Variants in MACO1 observed in about 807,000 individuals in gnomAD.
MACO1 encodes the protein macoilin.
Under a neutral mutation model 78.7 loss-of-function variants are expected in MACO1, and 14 were observed. The ratio of observed to expected loss-of-function variants is 0.18; its 90% CI spans 0.12 to 0.28. The LOEUF (loss-of-function observed/expected upper bound fraction) is 0.28. Ranked by LOEUF, MACO1 falls within the 10% of genes least tolerant of loss-of-function variation. The probability of loss-of-function intolerance (pLI) is 1.00; values close to 1 mark genes in which losing one functional copy is unlikely to be tolerated. For synonymous variants in MACO1, 288 were observed against 291.6 expected (o/e 0.99, Z 0.12); for missense variants, 501 against 799.0 (o/e 0.63, Z 4.50).
At chr1:25,467,433 A>G (rs2124594323) in intron 6 of MACO1, among the ~76,000 whole-genome samples, 1 of 152,262 alleles carries the variant, frequency 6.6e-6, no homozygotes, top group South Asian at 2.1e-4. Context: ...GGCAATTGTT[A>G]CTTCTTTCAG....
At chr1:25,478,411 C>T (rs2043341696) in intron 6 of MACO1, among the ~76,000 whole-genome samples, 2 of 152,114 alleles carry the variant, frequency 1.3e-5, no homozygotes, top group African/African-American at 2.4e-5. Context: ...AAATCTCTTC[C>T]TCTTAAAATT....
At chr1:25,470,460 A>G (rs933804898) in intron 6 of MACO1, among the ~76,000 whole-genome samples, 2 of 152,216 alleles carry the variant, frequency 1.3e-5, no homozygotes, top group African/African-American at 2.4e-5. Context: ...GAAGCAAGAC[A>G]GAGCGGTCAG....
rs142743573 is a variant in MACO1 at position 25,448,773 on chromosome 1, A to T, written c.223-35A>T. 2.7e-6 allele frequency: 4 copies of T among 1,481,606 alleles called. No individual in the cohort carries two copies. In the East Asian group the frequency reaches 7.0e-5, roughly 26 times the overall value. The allele number at this position is 1,481,606 out of a possible 1,614,324, so 91.8% of individuals were successfully genotyped here. A position where few individuals can be genotyped will look rare whatever the true frequency, so the allele number is the denominator to read the frequency against. ...GTGGTTGAAAATAACAGGTTCTAAG[A>T]TGTATCTTTTATTTTGTTTTATTTT... On this transcript the variant is annotated intron_variant, in intron 2 of 10. Coordinates refer to ENST00000374343, the MANE Select transcript of MACO1 (RefSeq NM_018202.6).
At chr1:25,471,119 A>C (rs543054558) in intron 6 of MACO1, among the ~76,000 whole-genome samples, 1 of 152,306 alleles carries the variant, frequency 6.6e-6, no homozygotes, top group South Asian at 2.1e-4. Context: ...CAGGTGGATC[A>C]CATAAGGCCA....
chr1:25,467,127 G>A (rs2043226325), intron 6 of MACO1, among the ~76,000 whole-genome samples: 2 of 152,032 alleles, frequency 1.3e-5, no homozygotes, highest in South Asian at 2.1e-4. Context: ...GCATGGTGGC[G>A]CACACCTTTA....
At chr1:25,437,376 T>G (rs1036984162) in intron 1 of MACO1, among the ~76,000 whole-genome samples, 9 of 150,992 alleles carry the variant, frequency 6.0e-5, no homozygotes, top group African/African-American at 2.2e-4. Context: ...AGGCTGGTCT[T>G]GAACTCCTGG....
intron 6 of MACO1, among the ~76,000 whole-genome samples, chr1:25,476,531 G>A (rs1202976959): frequency 6.6e-6 from 1 of 152,166 alleles, no homozygotes; most frequent in Non-Finnish European, 1.5e-5. Context: ...ACATTTTTCT[G>A]TGAATGACCC....
At chr1:25,486,731 G>A (rs1269630109) in intron 8 of MACO1, among the ~76,000 whole-genome samples, 1 of 152,140 alleles carries the variant, frequency 6.6e-6, no homozygotes, top group Non-Finnish European at 1.5e-5. Flanking sequence ...CACCTTTTAG[G>A]AAATAACAGC....
chr1:25,458,525 G>T lies in MACO1; in HGVS notation c.787G>T (p.Ala263Ser). 6.2e-7 allele frequency: 1 copy of T among 1,613,854 alleles called. No homozygotes were observed. Among genetic ancestry groups the T allele is most frequent in the South Asian group, 1.1e-5 (1 of 91,036 alleles). ...AAAAGGGAAAGAAAAGGACAAGGAT[G>T]CCAAAAAACACAACCTTGGAATAAA... ...REKGKEKDKD[A>S]KKHNLGINNN... Residue 263 changes from alanine to serine, a missense_variant, in exon 6 of 11, where the codon GCC becomes TCC. By Grantham distance (99) the Ala-to-Ser change is moderately conservative. Around this residue, in one of 5 missense-constraint regions of MACO1, gnomAD observed 90 missense variants for 85.7 expected, o/e 1.05. Transcript: ENST00000374343.
intron 8 of MACO1, among the ~76,000 whole-genome samples, chr1:25,487,070 TCA>T: frequency 6.6e-6 from 1 of 152,314 alleles, no homozygotes; most frequent in Middle Eastern, 3.4e-3. Context: ...TAAGTTGATT[TCA>T]GTGTCTACCC....
chr1:25,476,759 T>C (rs1266130698), intron 6 of MACO1, among the ~76,000 whole-genome samples: 2 of 152,240 alleles, frequency 1.3e-5, no homozygotes, highest in Admixed American at 1.3e-4. Flanking sequence ...GATGAAGCAG[T>C]TGCTCTTCAT....
In MACO1 at chr1:25,446,044, A is replaced by C. The variant is rs185066571; in HGVS notation, c.81-718A>C. Among the ~76,000 whole-genome samples the C allele has an allele frequency of 1.4e-4, 21 of 152,258 alleles. No individual in the cohort carries two copies. The East Asian group carries it at 4.0e-3, about 29-fold the overall frequency. ...ATATGTGTCCTAACTGGCTTGTCTGAGTGTTTCTGTTTAACACAAGTCCAG... is the reference window on the plus strand; with the variant it reads ...ATATGTGTCCTAACTGGCTTGTCTGCGTGTTTCTGTTTAACACAAGTCCAG... On this transcript the variant is annotated intron_variant, in intron 1 of 10. Coordinates refer to ENST00000374343, the MANE Select transcript of MACO1 (RefSeq NM_018202.6).
chr1:25,438,282 C>T (rs535250446), intron 1 of MACO1, among the ~76,000 whole-genome samples: 2 of 152,296 alleles, frequency 1.3e-5, no homozygotes, highest in African/African-American at 4.8e-5. Context: ...ATTATATAAA[C>T]ATTAGAAATT....
At chr1:25,466,724 A>G (rs1212075097) in intron 6 of MACO1, among the ~76,000 whole-genome samples, 1 of 152,132 alleles carries the variant, frequency 6.6e-6, no homozygotes, top group Non-Finnish European at 1.5e-5. Flanking sequence ...CAAATGTTAT[A>G]CTTTCAGTCT....
At chr1:25,489,671 T>C (rs2043467226) in intron 9 of MACO1, among the ~76,000 whole-genome samples, 3 of 152,224 alleles carry the variant, frequency 2.0e-5, no homozygotes, top group Admixed American at 2.0e-4. Flanking sequence ...CCTGCATGGC[T>C]CTGAGCCTTG....
rs528629250 is a variant in MACO1, at chr1:25,438,420, C to A, written c.80+7242C>A. The stretch of plus-strand genomic sequence containing the variant: ...TTCATATTATCTCATTTTATCCTCA[C>A]AAGTGTGAAATAGGCAGAGTAGGTA... On this transcript the variant is annotated intron_variant, in intron 1 of 10. Coordinates refer to ENST00000374343, the MANE Select transcript of MACO1 (RefSeq NM_018202.6). Among the ~76,000 whole-genome samples the A allele has an allele frequency of 4.6e-5, 7 of 152,298 alleles. 1 individual carries two copies. The highest frequency in any genetic ancestry group is 1.7e-4 in the African/African-American group (7 of 41,564).
chr1:25,481,434 G>T (rs1173496436), intron 6 of MACO1, among the ~76,000 whole-genome samples: 2 of 152,180 alleles, frequency 1.3e-5, no homozygotes, highest in Non-Finnish European at 1.5e-5. Flanking sequence ...CAGGGTCAGA[G>T]AGTTGGCGCC....
At chr1:25,437,366 A>G (rs2042928657) in intron 1 of MACO1, among the ~76,000 whole-genome samples, 1 of 131,322 alleles carries the variant, frequency 7.6e-6, no homozygotes, top group Admixed American at 9.2e-5. Flanking sequence ...CGTGTTGTAT[A>G]GGCTGGTCTT....
intron 1 of MACO1, among the ~76,000 whole-genome samples, chr1:25,441,363 T>G (rs1271802196): frequency 6.6e-6 from 1 of 152,190 alleles, no homozygotes; most frequent in Non-Finnish European, 1.5e-5. Flanking sequence ...TTTTGTATTT[T>G]TAGTAGAGAC....
Sources: gnomAD v4.1 joint callset for allele counts (sites outside exome capture counted in the v4.1 genomes callset) on GRCh38, gnomAD v4.1.1 for gene constraint, gnomAD v4.1.1 regional missense constraint, MANE v1.5 for transcripts, NCBI Gene and HGNC (gene_info 2026-07-23, HGNC 2026-07-21) for gene names.